Variants in ADAMTS9 observed in about 807,000 individuals in gnomAD.
ADAMTS9 encodes the protein ADAM metallopeptidase with thrombospondin type 1 motif 9, also known as A disintegrin and metalloproteinase with thrombospondin motifs 9.
Under a neutral mutation model 257.1 loss-of-function variants are expected in ADAMTS9, and 107 were observed. The observed-to-expected ratio is 0.42, with a 90% confidence interval of 0.36 to 0.49. The LOEUF (loss-of-function observed/expected upper bound fraction) is 0.49, where lower values mean the gene tolerates loss of function less well. Among genes scored for constraint, ADAMTS9 ranks in the 20% least tolerant of loss-of-function variants. The pLI is 0.03. For synonymous variants in ADAMTS9, 982 were observed against 880.9 expected, an observed-to-expected ratio of 1.11 and a Z score of -2.03; for missense variants, 2,353 against 2,469.1, an observed-to-expected ratio of 0.95 and a Z score of 1.00.
intron 8 of ADAMTS9, among the ~76,000 whole-genome samples, chr3:64,651,757 C>T (rs527544063): frequency 6.6e-6 from 1 of 152,298 alleles, no homozygotes; most frequent in South Asian, 2.1e-4. Flanking sequence ...AAACCAGAAG[C>T]ATGCCAATTC....
intron 32 of ADAMTS9, 70 bp downstream of exon 32, chr3:64,546,688 G>A: frequency 6.8e-7 from 1 of 1,473,244 alleles, no homozygotes; most frequent in East Asian, 2.3e-5. Context: ...GAGCGGGTTA[G>A]GCAGGACATG....
chr3:64,542,362 G>A (rs559352277), intron 32 of ADAMTS9, among the ~76,000 whole-genome samples: 96 of 151,864 alleles, frequency 6.3e-4, no homozygotes, highest in Middle Eastern at 6.8e-3. Flanking sequence ...AGTGGAGCCA[G>A]GATTCAAACC....
chr3:64,666,225 C>T (rs146857709), intron 3 of ADAMTS9, among the ~76,000 whole-genome samples: 3 of 152,176 alleles, frequency 2.0e-5, no homozygotes, highest in Non-Finnish European at 4.4e-5. Flanking sequence ...ATTATTTCAG[C>T]AAATACCAGC....
At chr3:64,627,275 T>C (rs1186815250) in intron 16 of ADAMTS9, among the ~76,000 whole-genome samples, 2 of 152,108 alleles carry the variant, frequency 1.3e-5, no homozygotes, top group Non-Finnish European at 2.9e-5. Context: ...TATTCTTTAT[T>C]CCAGTAGATG....
chr3:64,567,242 T>C (rs560559031), intron 29 of ADAMTS9, among the ~76,000 whole-genome samples: 69 of 152,242 alleles, frequency 4.5e-4, no homozygotes, highest in African/African-American at 1.6e-3. Flanking sequence ...CAAAGCTGCT[T>C]TGGGGCCTTA....
chr3:64,606,156 G>C (rs2084552950), intron 23 of ADAMTS9, among the ~76,000 whole-genome samples: 1 of 152,186 alleles, frequency 6.6e-6, no homozygotes, highest in Non-Finnish European at 1.5e-5. Context: ...TCAGATATTA[G>C]AAGAATATTT....
At chr3:64,595,136 A>G (rs1222836244) in intron 27 of ADAMTS9, among the ~76,000 whole-genome samples, 1 of 152,186 alleles carries the variant, frequency 6.6e-6, no homozygotes, top group East Asian at 1.9e-4. Flanking sequence ...AAAGGAGACA[A>G]TGACTTAACT....
At chr3:64,643,800 T>A (rs1459210786) in intron 11 of ADAMTS9, among the ~76,000 whole-genome samples, 2 of 151,666 alleles carry the variant, frequency 1.3e-5, no homozygotes, top group East Asian at 3.9e-4. Flanking sequence ...TTTTTTTTCA[T>A]ACTAAGTCTT....
intron 11 of ADAMTS9, among the ~76,000 whole-genome samples, chr3:64,644,775 T>C (rs1460672824): frequency 6.6e-6 from 1 of 152,190 alleles, no homozygotes; most frequent in Non-Finnish European, 1.5e-5. Flanking sequence ...TTCTATAGAT[T>C]TTACTTCCAC....
intron 28 of ADAMTS9, among the ~76,000 whole-genome samples, chr3:64,572,304 C>G (rs1474364233): frequency 1.3e-5 from 2 of 152,130 alleles, no homozygotes; most frequent in Non-Finnish European, 2.9e-5. Context: ...ACACTTTTCA[C>G]TAATTAAGGT....
At chr3:64,630,726 G>A (rs1179931335) in intron 16 of ADAMTS9, among the ~76,000 whole-genome samples, 1 of 152,096 alleles carries the variant, frequency 6.6e-6, no homozygotes, top group Non-Finnish European at 1.5e-5. Context: ...CATGGCACAC[G>A]TTTACCTATG....
chr3:64,610,604 T>A (rs2084647230), intron 22 of ADAMTS9, among the ~76,000 whole-genome samples: 1 of 152,206 alleles, frequency 6.6e-6, no homozygotes, highest in Admixed American at 6.5e-5. Flanking sequence ...ATCAGTATCT[T>A]TTGTTATTAG....
chr3:64,578,129 A>T (rs2083900824), intron 28 of ADAMTS9, among the ~76,000 whole-genome samples: 1 of 152,218 alleles, frequency 6.6e-6, no homozygotes, highest in Admixed American at 6.5e-5. Context: ...GTATCTCAGC[A>T]GCAGGGATAA....
intron 16 of ADAMTS9, among the ~76,000 whole-genome samples, chr3:64,625,833 C>T (rs1283564284): frequency 6.6e-6 from 1 of 152,222 alleles, no homozygotes; most frequent in Admixed American, 6.5e-5. Flanking sequence ...AGCATAGCCT[C>T]CCTGTAACTT....
chr3:64,623,916 T>C (rs1172658512), intron 16 of ADAMTS9, among the ~76,000 whole-genome samples: 2 of 152,004 alleles, frequency 1.3e-5, no homozygotes, highest in Non-Finnish European at 1.5e-5. Flanking sequence ...AAAAAATCAG[T>C]GATGCTGCAA....
chr3:64,591,445 A>C (rs546746658), intron 28 of ADAMTS9, among the ~76,000 whole-genome samples: 3 of 152,116 alleles, frequency 2.0e-5, no homozygotes, highest in Admixed American at 6.5e-5. Flanking sequence ...GTCTCAAAAA[A>C]AAAAAGGAAC....
intron 3 of ADAMTS9, among the ~76,000 whole-genome samples, chr3:64,670,247 C>A (rs1701453958): frequency 1.3e-5 from 2 of 152,200 alleles, no homozygotes; most frequent in African/African-American, 4.8e-5. Flanking sequence ...TGCAGAGGCT[C>A]CCCTGGACCT....
chr3:64,626,427 G>A (rs1218317557), intron 16 of ADAMTS9, among the ~76,000 whole-genome samples: 1 of 152,108 alleles, frequency 6.6e-6, no homozygotes, highest in East Asian at 1.9e-4. Flanking sequence ...TGTTTGTGTT[G>A]TAGATTTTTC....
rs35226652 is a variant in ADAMTS9, at chr3:64,546,411, A to C, written c.5064+347T>G. On this transcript the variant is annotated intron_variant, in intron 32 of 39. Coordinates refer to ENST00000498707, the MANE Select transcript of ADAMTS9 (RefSeq NM_182920.2). Reference sequence around the variant, plus strand: ...TGGATTTTGGATTTCTGGATTAGGGATGCTCAATCTGTGTAAACTCATTTC... The same window carrying C: ...TGGATTTTGGATTTCTGGATTAGGGCTGCTCAATCTGTGTAAACTCATTTC... Among the ~76,000 whole-genome samples the C allele has an allele frequency of 9.8e-3, 1,496 of 152,228 alleles. 14 individuals carry two copies. The highest frequency in any genetic ancestry group is 0.016 in the Non-Finnish European group (1,090 of 68,006).
Sources: allele counts gnomAD v4.1 joint callset (sites outside exome capture counted in the v4.1 genomes callset), GRCh38; gene constraint gnomAD v4.1.1; transcripts MANE v1.5; gene names NCBI Gene and HGNC (gene_info 2026-07-23, HGNC 2026-07-21).